ATP9A: variants seen among roughly 807,000 people sequenced by gnomAD.
ATP9A encodes probable phospholipid-transporting ATPase IIA.
A neutral mutation model predicts 144.1 loss-of-function variants in ATP9A; 52 were observed. The ratio of observed to expected loss-of-function variants is 0.36; its 90% CI spans 0.29 to 0.45. ATP9A has a LOEUF of 0.45. Ranked by LOEUF, ATP9A falls within the 20% of genes least tolerant of loss-of-function variation. The pLI is 1.00. For synonymous variants in ATP9A, 582 were observed against 557.4 expected, an observed-to-expected ratio of 1.04 and a Z score of -0.62; for missense variants, 947 against 1,392.7, an observed-to-expected ratio of 0.68 and a Z score of 5.09.
rs11472926 is a variant in ATP9A at position 51,753,454 on chromosome 20, AAACAAC to A, written c.68+14842_68+14847del. Reference sequence around the variant, plus strand: ...CAACAGAGTGAGACTCCGTCTCAAAAAACAACAACAACAACAACAACAACAACAACA... The same window carrying A: ...CAACAGAGTGAGACTCCGTCTCAAAAAACAACAACAACAACAACAACAACA... On this transcript the variant is annotated intron_variant, in intron 1 of 27. Coordinates refer to ENST00000338821, the MANE Select transcript of ATP9A (RefSeq NM_006045.3). Among the ~76,000 whole-genome samples, 318 of 149,182 alleles carry A rather than the reference AAACAAC, an allele frequency of 2.1e-3. No individual in the cohort carries two copies. In the East Asian group the frequency reaches 0.024, roughly 11 times the overall value.
At chr20:51,729,040 T>C (rs2077728053) in intron 2 of ATP9A, among the ~76,000 whole-genome samples, 1 of 152,204 alleles carries the variant, frequency 6.6e-6, no homozygotes, top group Non-Finnish European at 1.5e-5. Context: ...CAGAAACATT[T>C]ATTATTAGCA....
chr20:51,674,111 A>G (rs2077467378), intron 11 of ATP9A, 42 bp downstream of exon 11: 1 of 1,587,732 alleles, frequency 6.3e-7, no homozygotes, highest in East Asian at 2.2e-5. Context: ...TAAAGAGAAG[A>G]AGATGTCACG....
intron 22 of ATP9A, among the ~76,000 whole-genome samples, chr20:51,616,573 C>G (rs2077203716): frequency 6.6e-6 from 1 of 152,174 alleles, no homozygotes; most frequent in Non-Finnish European, 1.5e-5. Context: ...CCCGCCTCAG[C>G]CTCCCAAACT....
chr20:51,653,834 A>G lies in ATP9A; in HGVS notation c.1506+3104T>C, dbSNP rs974872737. 2.0e-5 allele frequency among the ~76,000 whole-genome samples: 3 copies of G among 152,160 alleles called. No individual in the cohort carries two copies. The South Asian group carries it at 6.2e-4, about 32-fold the overall frequency. On this transcript the variant is annotated intron_variant, in intron 14 of 27. Coordinates refer to ENST00000338821, the MANE Select transcript of ATP9A (RefSeq NM_006045.3). ...TAGTCCCAGCACTATGGGAGGCTGAAGGATCACTTGAGGTCAGGAGCTCAA... is the reference window on the plus strand; with the variant it reads ...TAGTCCCAGCACTATGGGAGGCTGAGGGATCACTTGAGGTCAGGAGCTCAA...
intron 1 of ATP9A, among the ~76,000 whole-genome samples, chr20:51,751,879 C>T (rs570835878): frequency 2.6e-5 from 4 of 152,194 alleles, no homozygotes; most frequent in East Asian, 1.9e-4. Flanking sequence ...TGAGCCACCG[C>T]GCCCGGCCGC....
Position 51,712,239 on chromosome 20 carries a change from A to AT in ATP9A, c.436+726dup, listed in dbSNP as rs547552669. Among the ~76,000 whole-genome samples, 12 of 151,556 alleles carry AT rather than the reference A, an allele frequency of 7.9e-5. No homozygotes were observed. The South Asian group carries it at 1.7e-3, about 21-fold the overall frequency. ...AGGCGCCCGCCACCATGCCCGGCTA[A>AT]TTTTTTTTGTATTTTTAGTAGAGAC... On this transcript the variant is annotated intron_variant, in intron 4 of 27. Transcript: ENST00000338821.
At chr20:51,730,076 T>A (rs2077733937) in intron 1 of ATP9A, 98 bp from the exon 2 acceptor site, 1 of 1,308,512 alleles carries the variant, frequency 7.6e-7, no homozygotes, top group Admixed American at 3.0e-5. Flanking sequence ...CTACAGCATC[T>A]TCTCTGGCTC....
At chr20:51,643,575 G>C (rs1365989106) in intron 14 of ATP9A, among the ~76,000 whole-genome samples, 2 of 152,110 alleles carry the variant, frequency 1.3e-5, no homozygotes, top group African/African-American at 4.8e-5. Flanking sequence ...AGAGTGAAAA[G>C]AGGGCCTTTT....
chr20:51,712,902 C>T (rs1015765216), intron 4 of ATP9A, 64 bp downstream of exon 4: 23 of 1,428,270 alleles, frequency 1.6e-5, no homozygotes, highest in African/African-American at 9.9e-5. Flanking sequence ...GAACTCTTCT[C>T]CCCTGACTGT....
chr20:51,668,985 C>G (rs984811234), intron 13 of ATP9A, among the ~76,000 whole-genome samples: 3 of 152,196 alleles, frequency 2.0e-5, no homozygotes, highest in African/African-American at 7.2e-5. Flanking sequence ...ATATTTCTTA[C>G]TGGTCTTCTG....
At chr20:51,652,919 T>C (rs879663039) in intron 14 of ATP9A, among the ~76,000 whole-genome samples, 2 of 151,852 alleles carry the variant, frequency 1.3e-5, no homozygotes, top group Non-Finnish European at 2.9e-5. Context: ...CCAACCTGGC[T>C]AACACGGTGA....
chr20:51,697,472 C>A lies in ATP9A; in HGVS notation c.447G>T (p.Lys149Asn). The change falls in exon 5 of 28, where the codon AAG becomes AAT. Residue 149 changes from lysine to asparagine, a missense_variant. Coordinates refer to ENST00000338821, the MANE Select transcript of ATP9A (RefSeq NM_006045.3). ...YSRLTARGTV[K>N]VKSSNIQVGD... ...CAACTTGGATGTTAGAACTCTTCAC[C>A]TTCACTGTGCCTGCAAAGCAGCAGG... 1 of 1,613,560 alleles carries A rather than the reference C, an allele frequency of 6.2e-7. No individual in the cohort carries two copies. Among genetic ancestry groups the A allele is most frequent in the Non-Finnish European group, 8.5e-7 (1 of 1,179,802 alleles).
chr20:51,702,813 C>A (rs557322636), intron 4 of ATP9A, among the ~76,000 whole-genome samples: 4 of 152,272 alleles, frequency 2.6e-5, no homozygotes, highest in African/African-American at 9.6e-5. Flanking sequence ...AGTAACCTAA[C>A]AGAAGGGTTC....
intron 14 of ATP9A, 127 bp from the exon 15 acceptor site, chr20:51,639,631 G>A: frequency 1.0e-6 from 1 of 973,026 alleles, no homozygotes; most frequent in Non-Finnish European, 1.5e-6. Flanking sequence ...TGCCCTTAGG[G>A]ACGCCAAGTG....
chr20:51,602,008 C>T (rs2122701521), intron 27 of ATP9A, among the ~76,000 whole-genome samples: 1 of 152,270 alleles, frequency 6.6e-6, no homozygotes, highest in East Asian at 1.9e-4. Flanking sequence ...CTTTCTAAGT[C>T]CCGGCCACTG....
At chr20:51,723,055 G>A (rs182972162) in intron 3 of ATP9A, among the ~76,000 whole-genome samples, 27 of 152,216 alleles carry the variant, frequency 1.8e-4, no homozygotes, top group Admixed American at 3.3e-4. Flanking sequence ...ATATTCAATG[G>A]ACTACTCCTC....
At chr20:51,734,054 G>A (rs925726721) in intron 1 of ATP9A, among the ~76,000 whole-genome samples, 9 of 151,950 alleles carry the variant, frequency 5.9e-5, no homozygotes, top group African/African-American at 2.2e-4. Context: ...TCAGCTTGTT[G>A]CAGCCTCAAC....
At chr20:51,659,251 G>T (rs2122772764) in intron 13 of ATP9A, among the ~76,000 whole-genome samples, 1 of 152,258 alleles carries the variant, frequency 6.6e-6, no homozygotes, top group East Asian at 1.9e-4. Flanking sequence ...AACACCCTGT[G>T]TGTTACTCTC....
At chr20:51,620,917 G>A (rs1414259625) in intron 19 of ATP9A, among the ~76,000 whole-genome samples, 1 of 152,094 alleles carries the variant, frequency 6.6e-6, no homozygotes, top group Non-Finnish European at 1.5e-5. Flanking sequence ...GGAGGCTGAA[G>A]TGGGAGAATC....
Sources: allele counts gnomAD v4.1 joint callset (sites outside exome capture counted in the v4.1 genomes callset), GRCh38; gene constraint gnomAD v4.1.1; transcripts MANE v1.5; gene names NCBI Gene and HGNC (gene_info 2026-07-23, HGNC 2026-07-21).